Variants in CUL7 observed in about 807,000 individuals in gnomAD.
CUL7 encodes cullin-7.
A neutral mutation model predicts 177.7 loss-of-function variants in CUL7; 96 were observed. The ratio of observed to expected loss-of-function variants is 0.54; its 90% CI spans 0.46 to 0.64. CUL7 has a LOEUF of 0.64. Ranked by LOEUF, CUL7 falls within the 30% of genes least tolerant of loss-of-function variation. The pLI is 0.00. For synonymous variants in CUL7, 824 were observed against 890.2 expected (o/e 0.93, Z 1.32); for missense variants, 1,893 against 2,187.9 (o/e 0.87, Z 2.69).
rs746149367 is a variant in CUL7, at chr6:43,046,124, T to G, written c.2661-33A>C. 6.1e-5 allele frequency: 98 copies of G among 1,612,264 alleles called. 1 individual carries two copies. The East Asian group carries it at 2.2e-3, about 36-fold the overall frequency. On this transcript the variant is annotated intron_variant, in intron 12 of 25. Transcript: ENST00000265348. ...TGGGGAGGAAAAACCATTTGGAACT[T>G]GTAGACAGGGCCCATGGCCAAGTCC... is the stretch of plus-strand genomic sequence containing the variant.
At position 43,051,904 on chromosome 6, in the gene CUL7, A is replaced by G; in HGVS notation, c.581-141T>C. ...TTTGCTTCAAAAGCTAAAATTTGCT[A>G]ACTTATACACATACACACACACACG... On this transcript the variant is annotated intron_variant, in intron 2 of 25. Coordinates refer to ENST00000265348, the MANE Select transcript of CUL7 (RefSeq NM_014780.5). This position sits in a 1 kb window ranked among gnomAD's most constrained non-coding sequence, Gnocchi z 5.0. 8.7e-7 allele frequency: 1 copy of G among 1,147,056 alleles called. No homozygotes were observed. The highest frequency in any genetic ancestry group is 1.3e-6 in the Non-Finnish European group (1 of 766,178). 71.1% of individuals were successfully genotyped at this position (1,147,056 alleles called of 1,614,324 possible).
Position 43,046,957 on chromosome 6 carries a change from CCCGCAGCT to C in CUL7, c.2312_2319del (p.Glu771GlyfsTer7). On this transcript the variant is annotated frameshift_variant, in exon 10 of 26. Coordinates refer to ENST00000265348, the MANE Select transcript of CUL7 (RefSeq NM_014780.5). LOFTEE classifies it high-confidence loss of function. ...TGCTTCTCACACTTGAACACCATGT[CCCGCAGCT>C]CCTGAGCCAGCTCCAGCTTTCCCAG... 6.2e-7 allele frequency: 1 copy of C among 1,613,702 alleles called. No individual in the cohort carries two copies. Among genetic ancestry groups the C allele is most frequent in the Non-Finnish European group, 8.5e-7 (1 of 1,179,620 alleles).
In CUL7 at chr6:43,052,366, G is replaced by C; in HGVS notation, c.423C>G (p.Val141=). ...TIPPAPLLHT[V]HVLSAYASIE... ...TGCTGGCATAGGCGCTGAGCACGTG[G>C]ACAGTGTGAAGTAGAGGAGCAGGAG... is the stretch of plus-strand genomic sequence containing the variant. The change falls in exon 2 of 26, where the codon GTC becomes GTG. Residue 141 remains valine, a synonymous_variant. Transcript: ENST00000265348. This position sits in a 1 kb window ranked among gnomAD's most constrained non-coding sequence, Gnocchi z 4.5. 2 of 1,614,244 alleles carry C rather than the reference G, an allele frequency of 1.2e-6. No homozygotes were observed. Among genetic ancestry groups the C allele is most frequent in the Non-Finnish European group, 1.7e-6 (2 of 1,180,052 alleles).
At chr6:43,046,153 G>A in intron 12 of CUL7, 62 bp from the exon 13 acceptor site, 1 of 1,612,138 alleles carries the variant, frequency 6.2e-7, no homozygotes, top group Non-Finnish European at 8.5e-7. Context: ...CAAGTCCAGG[G>A]GGTGGTGCTT....
In CUL7 at chr6:43,050,823, T is replaced by A. The variant is rs1764334525; in HGVS notation, c.1233+145A>T. On this transcript the variant is annotated intron_variant, in intron 4 of 25. Coordinates refer to ENST00000265348, the MANE Select transcript of CUL7 (RefSeq NM_014780.5). The surrounding 1 kb of genome is among the most constrained non-coding windows in gnomAD (Gnocchi z 4.1). Reference sequence around the variant, plus strand: ...CCCAGCTCTCAGAATGGCCCCCCTCTCAACTACTGACTCTTTTCACCATTC... The same window carrying A: ...CCCAGCTCTCAGAATGGCCCCCCTCACAACTACTGACTCTTTTCACCATTC... 2 of 1,083,058 alleles carry A rather than the reference T, an allele frequency of 1.8e-6. No individual in the cohort carries two copies. Among genetic ancestry groups the A allele is most frequent in the Admixed American group, 4.2e-5 (2 of 47,790 alleles). 67.1% of individuals were successfully genotyped at this position (1,083,058 alleles called of 1,614,324 possible). A position where few individuals can be genotyped will look rare whatever the true frequency, so the allele number is the denominator to read the frequency against.
chr6:43,048,897 C>T (rs372667270), intron 7 of CUL7, among the ~76,000 whole-genome samples: 1 of 151,868 alleles, frequency 6.6e-6, no homozygotes, highest in African/African-American at 2.4e-5. Flanking sequence ...CCTCCAGTAG[C>T]TGGGACTACA....
Position 43,051,004 on chromosome 6 carries a change from C to T in CUL7, c.1197G>A (p.Glu399=), listed in dbSNP as rs1764348856. The change falls in exon 4 of 26, where the codon GAG becomes GAA. Residue 399 remains glutamate (E), a synonymous_variant. Coordinates refer to ENST00000265348, the MANE Select transcript of CUL7 (RefSeq NM_014780.5). The surrounding 1 kb of genome is among the most constrained non-coding windows in gnomAD (Gnocchi z 5.0). ...YEEISAGDEG[E]FRQSNNGVPP... Reference sequence around the variant, plus strand: ...GCACACCGTTGTTGCTCTGCCGAAACTCGCCCTCATCCCCGGCACTGATCT... The same window carrying T: ...GCACACCGTTGTTGCTCTGCCGAAATTCGCCCTCATCCCCGGCACTGATCT... 2 of 1,614,086 alleles carry T rather than the reference C, an allele frequency of 1.2e-6. No homozygotes were observed. The highest frequency in any genetic ancestry group is 2.2e-5 in the East Asian group (1 of 44,898).
Position 43,053,616 on chromosome 6 carries a change from G to A in CUL7, c.-9+6C>T. On this transcript the variant is annotated splice_donor_region_variant and intron_variant, in intron 1 of 25. Transcript: ENST00000265348. The surrounding 1 kb of genome is among the most constrained non-coding windows in gnomAD (Gnocchi z 4.1). Reference sequence around the variant, plus strand: ...AAGCAAGGGGCCGCGGTGGGGCTCTGGCCACCTCAGAAGTCCACCGGGGTC... The same window carrying A: ...AAGCAAGGGGCCGCGGTGGGGCTCTAGCCACCTCAGAAGTCCACCGGGGTC... 1 of 1,361,130 alleles carries A rather than the reference G, an allele frequency of 7.3e-7. No homozygotes were observed. Among genetic ancestry groups the A allele is most frequent in the East Asian group, 2.9e-5 (1 of 33,906 alleles). The allele number at this position is 1,361,130 out of a possible 1,614,324, so 84.3% of individuals were successfully genotyped here. A position where few individuals can be genotyped will look rare whatever the true frequency, so the allele number is the denominator to read the frequency against.
chr6:43,039,233 GC>G (rs757900162), intron 22 of CUL7, among the ~76,000 whole-genome samples: 52 of 152,282 alleles, frequency 3.4e-4, no homozygotes, highest in Non-Finnish European at 6.5e-4. Flanking sequence ...TCTCATCAGT[GC>G]CTTCGAGGAT....
rs1222210468 is a variant in CUL7 at position 43,052,564 on chromosome 6, A to G, written c.225T>C (p.Tyr75=). Reference sequence around the variant, plus strand: ...CGCCCAGCATCTTGTGGCAGTTGGCATAGATCTCATCCTTGGACATCCACA... The same window carrying G: ...CGCCCAGCATCTTGTGGCAGTTGGCGTAGATCTCATCCTTGGACATCCACA... The part of the protein sequence containing the change: ...ILLWMSKDEI[Y]ANCHKMLGED... Residue 75 remains tyrosine (Y), a synonymous_variant, in exon 2 of 26, where the codon TAT becomes TAC. Coordinates refer to ENST00000265348, the MANE Select transcript of CUL7 (RefSeq NM_014780.5). This position sits in a 1 kb window ranked among gnomAD's most constrained non-coding sequence, Gnocchi z 4.5. 1 of 1,614,122 alleles carries G rather than the reference A, an allele frequency of 6.2e-7. No individual in the cohort carries two copies. The highest frequency in any genetic ancestry group is 8.5e-7 in the Non-Finnish European group (1 of 1,180,042).
intron 23 of CUL7, 27 bp downstream of exon 23, chr6:43,038,815 G>A (rs1763171477): frequency 6.2e-7 from 1 of 1,614,212 alleles, no homozygotes; most frequent in Middle Eastern, 1.7e-4. Flanking sequence ...TGGGAGACAG[G>A]AGAGAGGTGC....
chr6:43,038,053 G>C, intron 25 of CUL7, 42 bp from the exon 26 acceptor site: 1 of 1,563,368 alleles, frequency 6.4e-7, no homozygotes. Context: ...TTTAGAGGCA[G>C]CTGACCCCTC....
At chr6:43,044,681 A>G in intron 16 of CUL7, 71 bp downstream of exon 16, 1 of 1,563,704 alleles carries the variant, frequency 6.4e-7, no homozygotes, top group South Asian at 1.2e-5. Flanking sequence ...GTTCTAGGGT[A>G]GAGCAAGAAG....
At position 43,043,140 on chromosome 6, in the gene CUL7, G is replaced by A; in HGVS notation, c.3396C>T (p.Thr1132=). 6.2e-7 allele frequency: 1 copy of A among 1,614,068 alleles called. No homozygotes were observed. Reference sequence around the variant, plus strand: ...TCATGATGCTGCTTGGAAGGCCCCGGGTAGCCAAGGAGCTCCAGTCGTGGC... The same window carrying A: ...TCATGATGCTGCTTGGAAGGCCCCGAGTAGCCAAGGAGCTCCAGTCGTGGC... ...NRSHDWSSLA[T]RGLPSSIMRN... is the part of the protein sequence containing the mutation. Residue 1132 remains threonine (T), a synonymous_variant, in exon 18 of 26, where the codon ACC becomes ACT. Transcript: ENST00000265348. The surrounding 1 kb of genome is among the most constrained non-coding windows in gnomAD (Gnocchi z 4.2).
At position 43,049,975 on chromosome 6, in the gene CUL7, G is replaced by C; in HGVS notation, c.1557C>G (p.Asn519Lys). ...HQEVLQILQE[N>K]LDGEILDDEI... ...AGGCTGGCTCTACCTCCCCATCTAG[G>C]TTCTCCTGGAGGATCTGGAGAACCT... Residue 519 changes from asparagine (N) to lysine (K), a missense_variant, in exon 6 of 26, where the codon AAC becomes AAG. Coordinates refer to ENST00000265348, the MANE Select transcript of CUL7 (RefSeq NM_014780.5). The C allele has an allele frequency of 6.2e-7, 1 of 1,614,030 alleles. No individual in the cohort carries two copies. The highest frequency in any genetic ancestry group is 8.5e-7 in the Non-Finnish European group (1 of 1,180,010).
intron 19 of CUL7, 93 bp from the exon 20 acceptor site, chr6:43,041,168 T>C: frequency 2.4e-6 from 3 of 1,234,520 alleles, no homozygotes; most frequent in Non-Finnish European, 2.3e-6. Flanking sequence ...TAGATATGAA[T>C]GCTGGCAGCT....
intron 7 of CUL7, 112 bp from the exon 8 acceptor site, chr6:43,048,681 A>C (rs1764135157): frequency 2.6e-6 from 2 of 779,202 alleles, no homozygotes; most frequent in East Asian, 2.7e-5. Flanking sequence ...AAATGTTTTA[A>C]ATTTTTTAAT....
rs1193312893 is a variant in CUL7 at position 43,051,022 on chromosome 6, A to G, written c.1179T>C (p.Ser393=). ...VRMLDDYEEI[S]AGDEGEFRQS... Reference sequence around the variant, plus strand: ...GCCGAAACTCGCCCTCATCCCCGGCACTGATCTCCTCATAATCATCCAGCA... The same window carrying G: ...GCCGAAACTCGCCCTCATCCCCGGCGCTGATCTCCTCATAATCATCCAGCA... Residue 393 remains serine (S), a synonymous_variant, in exon 4 of 26, where the codon AGT becomes AGC. Transcript: ENST00000265348. This position sits in a 1 kb window ranked among gnomAD's most constrained non-coding sequence, Gnocchi z 5.0. 8 of 1,614,130 alleles carry G rather than the reference A, an allele frequency of 5.0e-6. No individual in the cohort carries two copies. The highest frequency in any genetic ancestry group is 6.8e-6 in the Non-Finnish European group (8 of 1,180,016).
Position 43,053,461 on chromosome 6 carries a change from A to C in CUL7, c.-9+161T>G, listed in dbSNP as rs1764619858. Among the ~76,000 whole-genome samples the C allele has an allele frequency of 6.6e-6, 1 of 152,008 alleles. No homozygotes were observed. Among genetic ancestry groups the C allele is most frequent in the South Asian group, 2.1e-4 (1 of 4,818 alleles). On this transcript the variant is annotated intron_variant, in intron 1 of 25. Coordinates refer to ENST00000265348, the MANE Select transcript of CUL7 (RefSeq NM_014780.5). The surrounding 1 kb of genome is among the most constrained non-coding windows in gnomAD (Gnocchi z 4.1). ...TGGGGACCGAGGTTGGAGACTGGAG[A>C]AGCCAGGGGCGCGCGGTAAGGTGGG... is the stretch of plus-strand genomic sequence containing the variant.
Sources: allele counts gnomAD v4.1 joint callset (sites outside exome capture counted in the v4.1 genomes callset), GRCh38; gene constraint gnomAD v4.1.1; non-coding constraint Gnocchi (gnomAD v3.1); transcripts MANE v1.5; gene names NCBI Gene and HGNC (gene_info 2026-07-23, HGNC 2026-07-21).